CNBD1: variants seen among roughly 807,000 people sequenced by gnomAD.
The protein encoded by CNBD1 is cyclic nucleotide-binding domain-containing protein 1.
Under a neutral mutation model 54.4 loss-of-function variants are expected in CNBD1, and 71 were observed. That is an observed-to-expected ratio of 1.30 (90% CI 1.08 to 1.59). The LOEUF is 1.59. CNBD1 is among the 40% of genes most tolerant of loss of function. The pLI is 0.00. For synonymous variants in CNBD1, 182 were observed against 170.7 expected, an observed-to-expected ratio of 1.07 and a Z score of -0.51; for missense variants, 659 against 518.0, an observed-to-expected ratio of 1.27 and a Z score of -2.64.
chr8:87,192,989 G>T (rs1175764557), intron 4 of CNBD1, among the ~76,000 whole-genome samples: 2 of 152,082 alleles, frequency 1.3e-5, no homozygotes, highest in Non-Finnish European at 2.9e-5. Context: ...AGTGGTAATC[G>T]CTTCTCTATT....
intron 8 of CNBD1, among the ~76,000 whole-genome samples, chr8:87,291,660 G>A (rs1563539997): frequency 6.6e-6 from 1 of 151,944 alleles, no homozygotes; most frequent in Non-Finnish European, 1.5e-5. Context: ...TGGGGTGAGG[G>A]GGCACAGGGG....
intron 4 of CNBD1, among the ~76,000 whole-genome samples, chr8:87,186,224 G>A (rs769868484): frequency 2.0e-5 from 3 of 152,024 alleles, no homozygotes; most frequent in Non-Finnish European, 2.9e-5. Context: ...CTTACTTGGC[G>A]TATCTCATTT....
In CNBD1 at chr8:86,909,550, C is replaced by G. The variant is rs573399536; in HGVS notation, c.272+4356C>G. On this transcript the variant is annotated intron_variant, in intron 3 of 10. Coordinates refer to ENST00000518476, the MANE Select transcript of CNBD1 (RefSeq NM_173538.3). ...TGTGGTTTTTTTTTTATTATACTTT[C>G]AGTTCTAGGGTACATGTGCACAACG... is the stretch of plus-strand genomic sequence containing the variant. 4.0e-5 allele frequency among the ~76,000 whole-genome samples: 6 copies of G among 151,748 alleles called. No homozygotes were observed. In the East Asian group the frequency reaches 1.2e-3, roughly 30 times the overall value.
At chr8:86,928,944 C>A (rs1242109172) in intron 3 of CNBD1, among the ~76,000 whole-genome samples, 1 of 152,174 alleles carries the variant, frequency 6.6e-6, no homozygotes, top group Non-Finnish European at 1.5e-5. Flanking sequence ...TGTCATTAAC[C>A]ACCCTGAGGG....
intron 5 of CNBD1, among the ~76,000 whole-genome samples, chr8:87,230,770 T>C (rs1222539505): frequency 2.6e-5 from 4 of 152,176 alleles, no homozygotes; most frequent in Non-Finnish European, 5.9e-5. Context: ...TGTTTCTAGA[T>C]TTAAGAAATC....
rs1050688181 is a variant in CNBD1, at chr8:87,296,537, G to A, written c.1042+9866G>A. Among the ~76,000 whole-genome samples, 8 of 152,012 alleles carry A rather than the reference G, an allele frequency of 5.3e-5. No homozygotes were observed. The South Asian group carries it at 1.7e-3, about 32-fold the overall frequency. ...GACATCTTGAGTATGTCTAACAAGAGGACATAAAGAAGCAGGATTGACTGT... is the reference window on the plus strand; with the variant it reads ...GACATCTTGAGTATGTCTAACAAGAAGACATAAAGAAGCAGGATTGACTGT... On this transcript the variant is annotated intron_variant, in intron 8 of 10. Transcript: ENST00000518476.
At chr8:86,986,594 G>A (rs1586181157) in intron 4 of CNBD1, among the ~76,000 whole-genome samples, 3 of 152,100 alleles carry the variant, frequency 2.0e-5, no homozygotes, top group Non-Finnish European at 4.4e-5. Flanking sequence ...GCCAAAGCTA[G>A]CATTGAAAAG....
intron 4 of CNBD1, among the ~76,000 whole-genome samples, chr8:87,129,570 T>G (rs916107248): frequency 2.0e-5 from 3 of 152,130 alleles, no homozygotes; most frequent in Non-Finnish European, 2.9e-5. Context: ...GGTTATCTGT[T>G]TTCTATTTTA....
At chr8:87,242,882 ATAT>A (rs1443798016) in intron 6 of CNBD1, among the ~76,000 whole-genome samples, 1 of 152,226 alleles carries the variant, frequency 6.6e-6, no homozygotes, top group African/African-American at 2.4e-5. Flanking sequence ...CAACTCAAAA[ATAT>A]TCTTTATTTT....
At chr8:87,200,164 G>A (rs142775923) in intron 4 of CNBD1, among the ~76,000 whole-genome samples, 2 of 152,206 alleles carry the variant, frequency 1.3e-5, no homozygotes, top group Non-Finnish European at 2.9e-5. Flanking sequence ...AGATGAATAG[G>A]AGAGAAAAAA....
chr8:87,353,604 C>T lies in CNBD1; in HGVS notation c.1153-32C>T, dbSNP rs768888324. On this transcript the variant is annotated intron_variant, in intron 9 of 10. Transcript: ENST00000518476. ...CTGATTCATTATATGGAAGCAGTTG[C>T]ATTAAACATCAATAATATATTTTTT... 1.6e-5 allele frequency: 22 copies of T among 1,398,320 alleles called. No individual in the cohort carries two copies. The East Asian group carries it at 3.5e-4, about 22-fold the overall frequency. The allele number at this position is 1,398,320 out of a possible 1,614,324, so 86.6% of individuals were successfully genotyped here.
chr8:87,291,852 T>C (rs1430530580), intron 8 of CNBD1, among the ~76,000 whole-genome samples: 2 of 152,196 alleles, frequency 1.3e-5, no homozygotes, highest in Non-Finnish European at 2.9e-5. Flanking sequence ...ATTTGTCCAC[T>C]AGACTTAAAA....
At chr8:87,107,397 A>C (rs1811564358) in intron 4 of CNBD1, among the ~76,000 whole-genome samples, 1 of 152,168 alleles carries the variant, frequency 6.6e-6, no homozygotes, top group Admixed American at 6.5e-5. Context: ...GACACTGTCC[A>C]TCCTGAACTC....
At chr8:87,027,327 A>C (rs1809671018) in intron 4 of CNBD1, among the ~76,000 whole-genome samples, 1 of 152,048 alleles carries the variant, frequency 6.6e-6, no homozygotes, top group Non-Finnish European at 1.5e-5. Flanking sequence ...GCTGGAGTGC[A>C]GTGGCGTGAT....
intron 6 of CNBD1, among the ~76,000 whole-genome samples, chr8:87,266,516 A>G (rs1368028085): frequency 8.4e-6 from 1 of 118,446 alleles, no homozygotes; most frequent in African/African-American, 3.3e-5. Context: ...CAATGGCACT[A>G]TGTCGGCTCA....
intron 4 of CNBD1, among the ~76,000 whole-genome samples, chr8:87,124,054 AAAG>A (rs1287747979): frequency 1.3e-5 from 2 of 151,732 alleles, no homozygotes; most frequent in Admixed American, 6.6e-5. Context: ...TCACACATTC[AAAG>A]AAGATCTGAT....
rs111529184 is a variant in CNBD1, at chr8:87,065,312, T to C, written c.431+125558T>C. Among the ~76,000 whole-genome samples, 13 of 152,090 alleles carry C rather than the reference T, an allele frequency of 8.5e-5. 1 individual carries two copies. The highest frequency in any genetic ancestry group is 2.9e-4 in the African/African-American group (12 of 41,560). ...AATGTCTTTCTTCTCTTGGGCCTGA[T>C]TATTTATTTATGTGACAAGTCACTG... On this transcript the variant is annotated intron_variant, in intron 4 of 10. Transcript: ENST00000518476.
At chr8:86,915,817 T>C (rs1809174961) in intron 3 of CNBD1, among the ~76,000 whole-genome samples, 1 of 152,202 alleles carries the variant, frequency 6.6e-6, no homozygotes, top group African/African-American at 2.4e-5. Context: ...TATATGACTT[T>C]GGAGAAGTCA....
chr8:87,368,690 G>A (rs952722603), intron 10 of CNBD1, among the ~76,000 whole-genome samples: 3 of 151,878 alleles, frequency 2.0e-5, no homozygotes, highest in African/African-American at 7.2e-5. Flanking sequence ...GAGAAAGATA[G>A]CACCTGCTTC....
Sources: gnomAD v4.1 joint callset for allele counts (sites outside exome capture counted in the v4.1 genomes callset) on GRCh38, gnomAD v4.1.1 for gene constraint, MANE v1.5 for transcripts, NCBI Gene and HGNC (gene_info 2026-07-23, HGNC 2026-07-21) for gene names.